MX1: variants seen among roughly 807,000 people sequenced by gnomAD.
The protein encoded by MX1 is interferon-induced GTP-binding protein Mx1.
A neutral mutation model predicts 66.4 loss-of-function variants in MX1; 66 were observed. The observed-to-expected ratio is 0.99, with a 90% CI of 0.82 to 1.22. MX1 has a LOEUF of 1.22. Ranked by LOEUF, MX1 falls within the 50% of genes most tolerant of loss-of-function variation. MX1 has a pLI of 0.00. For missense variants in MX1, 787 were observed against 834.3 expected (o/e 0.94, Z 0.70); for synonymous variants, 311 against 318.1 (o/e 0.98, Z 0.24).
In MX1 at chr21:41,445,590, T is replaced by C. The variant is rs377682153; in HGVS notation, c.1131+20T>C. 18 of 1,613,662 alleles carry C rather than the reference T, an allele frequency of 1.1e-5. No individual in the cohort carries two copies. The African/African-American group carries it at 1.9e-4, about 17-fold the overall frequency. On this transcript the variant is annotated intron_variant, in intron 12 of 16. Coordinates refer to ENST00000398598, the MANE Select transcript of MX1 (RefSeq NM_002462.5). ...ATAGATGTGAGTGTTGCCAGCTGCA[T>C]GGAGCTGGAGAAGCACATGTCATGG...
chr21:41,450,682 A>G (rs766609844), intron 14 of MX1, among the ~76,000 whole-genome samples: 2 of 152,170 alleles, frequency 1.3e-5, no homozygotes, highest in Non-Finnish European at 2.9e-5. Flanking sequence ...TTTCAATCAT[A>G]AAGATACTAT....
In MX1 at chr21:41,445,527, A is replaced by G; in HGVS notation, c.1088A>G (p.Asp363Gly). Residue 363 changes from aspartate (D) to glycine (G), a missense_variant, in exon 12 of 17, where the codon GAC (aspartate) becomes GGC (glycine). Transcript: ENST00000398598. Reference protein sequence around the residue: ...ITEELQKYGVDIPEDENEKMF... With the variant: ...ITEELQKYGVGIPEDENEKMF... ...GAGGAGCTACAAAAGTATGGTGTCG[A>G]CATACCGGAAGACGAAAATGAAAAA... The G allele has an allele frequency of 6.2e-7, 1 of 1,614,248 alleles. No homozygotes were observed. Among genetic ancestry groups the G allele is most frequent in the South Asian group, 1.1e-5 (1 of 91,088 alleles).
At position 41,454,098 on chromosome 21, in the gene MX1, T is replaced by TC. The variant is rs57309051; in HGVS notation, c.1758+1237dup. Reference sequence around the variant, plus strand: ...ATGGAGATTCTCTACAGGTGCAAATTCCCCCCCCACAAAACATGGCAGGGC... The same window carrying TC: ...ATGGAGATTCTCTACAGGTGCAAATTCCCCCCCCCACAAAACATGGCAGGGC... On this transcript the variant is annotated intron_variant, in intron 16 of 16. Coordinates refer to ENST00000398598, the MANE Select transcript of MX1 (RefSeq NM_002462.5). 3.3e-3 allele frequency among the ~76,000 whole-genome samples: 505 copies of TC among 151,450 alleles called. 2 individuals carry two copies. Among genetic ancestry groups the TC allele is most frequent in the African/African-American group, 9.1e-3 (377 of 41,292 alleles).
In MX1 at chr21:41,435,931, A is replaced by T. The variant is rs2090346877; in HGVS notation, c.200A>T (p.Asp67Val). 1 of 1,614,200 alleles carries T rather than the reference A, an allele frequency of 6.2e-7. No individual in the cohort carries two copies. The highest frequency in any genetic ancestry group is 1.1e-5 in the South Asian group (1 of 91,086). ...CTGCGGGCTCTAGGTGTGGAGCAGG[A>T]CCTGGCCCTGCCAGCCATCGCCGTC... ...DSLRALGVEQ[D>V]LALPAIAVIG... Residue 67 changes from aspartate (D) to valine (V), a missense_variant, in exon 6 of 17, where the codon GAC (aspartate) becomes GTC (valine). Coordinates refer to ENST00000398598, the MANE Select transcript of MX1 (RefSeq NM_002462.5).
rs375569357 is a variant in MX1 at position 41,437,117 on chromosome 21, C to T, written c.401C>T (p.Ser134Leu). 14 of 1,613,830 alleles carry T rather than the reference C, an allele frequency of 8.7e-6. No individual in the cohort carries two copies. The highest frequency in any genetic ancestry group is 1.6e-4 in the Middle Eastern group (1 of 6,082). ...TACCAGGACTACGAGATTGAGATTT[C>T]GGATGCTTCAGAGGTAGAAAAGGAA... is the stretch of plus-strand genomic sequence containing the variant. ...VSYQDYEIEI[S>L]DASEVEKEIN... The change falls in exon 7 of 17, where the codon TCG (serine) becomes TTG (leucine). Residue 134 changes from serine (S) to leucine (L), a missense_variant. Ser to Leu is a moderately radical substitution (Grantham distance 145). Coordinates refer to ENST00000398598, the MANE Select transcript of MX1 (RefSeq NM_002462.5).
intron 6 of MX1, among the ~76,000 whole-genome samples, chr21:41,436,805 C>T (rs2090375120): frequency 6.6e-6 from 1 of 152,214 alleles, no homozygotes; most frequent in Non-Finnish European, 1.5e-5. Flanking sequence ...TAAGCAAAAA[C>T]TCACCTGGGT....
Position 41,446,108 on chromosome 21 carries a change from T to G in MX1, c.1240T>G (p.Trp414Gly), listed in dbSNP as rs775625544. Residue 414 changes from tryptophan to glycine, a missense_variant, in exon 13 of 17, where the codon TGG becomes GGG. Transcript: ENST00000398598. ...CAGACTCCGACACGAGTTCCACAAATGGAGTACAATAATTGAAAACAATTT... is the reference window on the plus strand; with the variant it reads ...CAGACTCCGACACGAGTTCCACAAAGGGAGTACAATAATTGAAAACAATTT... ...FTRLRHEFHK[W>G]STIIENNFQE... 37 of 1,613,968 alleles carry G rather than the reference T, an allele frequency of 2.3e-5. No homozygotes were observed. Among genetic ancestry groups the G allele is most frequent in the Non-Finnish European group, 3.1e-5 (36 of 1,179,998 alleles).
chr21:41,443,521 C>A, intron 10 of MX1: 2 of 472,808 alleles, frequency 4.2e-6, no homozygotes, highest in Non-Finnish European at 3.8e-6. Context: ...TTGTGATGAC[C>A]AAGTCTATAG....
At chr21:41,452,228 A>T (rs530514272) in intron 15 of MX1, among the ~76,000 whole-genome samples, 4 of 152,174 alleles carry the variant, frequency 2.6e-5, no homozygotes, top group African/African-American at 9.7e-5. Flanking sequence ...GGAACATAAA[A>T]CATAATTTTC....
Position 41,441,160 on chromosome 21 carries a change from G to A in MX1, c.730+135G>A, listed in dbSNP as rs891593555. 145 of 1,226,596 alleles carry A rather than the reference G, an allele frequency of 1.2e-4. No homozygotes were observed. Among genetic ancestry groups the A allele is most frequent in the Middle Eastern group, 2.8e-4 (1 of 3,532 alleles). 76.0% of individuals were successfully genotyped at this position (1,226,596 alleles called of 1,614,324 possible). ...GTGCTCGGTGAGAATGGGGGAGCCC[G>A]CCTGTGCTCGGTGGTCTGCCAGTGG... On this transcript the variant is annotated intron_variant, in intron 9 of 16. Transcript: ENST00000398598. The surrounding 1 kb of genome is among the most constrained non-coding windows in gnomAD (Gnocchi z 4.0).
Position 41,448,930 on chromosome 21 carries a change from TTGTGTGTGTGTGTGTGTGTG to T in MX1, c.1274-177_1274-158del, listed in dbSNP as rs10528033. 1.0e-3 allele frequency among the ~76,000 whole-genome samples: 143 copies of T among 139,614 alleles called. 2 individuals are homozygous for T. Among genetic ancestry groups the T allele is most frequent in the African/African-American group, 3.1e-3 (120 of 38,280 alleles). The allele number at this position is 139,614 out of a possible 152,430, so 91.6% of individuals were successfully genotyped here. A position where few individuals can be genotyped will look rare whatever the true frequency, so the allele number is the denominator to read the frequency against. ...AGGAAAATTATCTTCAGATCTGGTT[TTGTGTGTGTGTGTGTGTGTG>T]TGTGTGTGTGTGTGTGTGTGTGTGT... On this transcript the variant is annotated intron_variant, in intron 13 of 16. Coordinates refer to ENST00000398598, the MANE Select transcript of MX1 (RefSeq NM_002462.5).
At chr21:41,446,607 G>A (rs1601520455) in intron 13 of MX1, among the ~76,000 whole-genome samples, 1 of 128,808 alleles carries the variant, frequency 7.8e-6, no homozygotes, top group Non-Finnish European at 1.8e-5. Flanking sequence ...CAAAAAGTGA[G>A]CATGTGCTAC....
chr21:41,439,891 ATGGGGGAGTGGAGGGG>A, intron 8 of MX1, 43 bp downstream of exon 8: 2 of 652,954 alleles, frequency 3.1e-6, no homozygotes, highest in Non-Finnish European at 5.4e-6. Context: ...TGGCGTGGGG[ATGGGGGAGTGGAGGGG>A]TGGGAGGAGA....
chr21:41,426,851 C>G (rs959280904), intron 1 of MX1: 3 of 152,332 alleles, frequency 2.0e-5, no homozygotes, highest in Admixed American at 2.0e-4. Context: ...TGTTCCCCCC[C>G]ACCGCCCCAG....
intron 10 of MX1, 103 bp downstream of exon 10, chr21:41,442,017 G>A (rs2090533249): frequency 9.7e-7 from 1 of 1,035,808 alleles, no homozygotes; most frequent in South Asian, 1.4e-5. Context: ...GTGTGTGTGT[G>A]TGTGTGTGCG....
chr21:41,431,253 C>A (rs1248091205), intron 4 of MX1, among the ~76,000 whole-genome samples: 1 of 152,208 alleles, frequency 6.6e-6, no homozygotes, highest in Non-Finnish European at 1.5e-5. Flanking sequence ...GAACTCCTGA[C>A]CTCAGGTGAT....
chr21:41,437,804 G>C (rs1398262099), intron 7 of MX1, among the ~76,000 whole-genome samples: 1 of 152,196 alleles, frequency 6.6e-6, no homozygotes, highest in Non-Finnish European at 1.5e-5. Context: ...CTGTTCCTTT[G>C]TACAAGGAAC....
At chr21:41,429,085 G>A (rs2090142043) in intron 3 of MX1, 1 of 152,312 alleles carries the variant, frequency 6.6e-6, no homozygotes, top group African/African-American at 2.4e-5. Flanking sequence ...CATTTTAGGA[G>A]CAATTTGGGA....
upstream of MX1, chr21:41,423,303 G>A (rs1222636777): frequency 1.3e-5 from 2 of 152,324 alleles, no homozygotes; most frequent in African/African-American, 4.8e-5. Context: ...CTCAGCTCCA[G>A]CCATAACAAA....
Sources: allele counts gnomAD v4.1 joint callset (sites outside exome capture counted in the v4.1 genomes callset), GRCh38; gene constraint gnomAD v4.1.1; non-coding constraint Gnocchi (gnomAD v3.1); transcripts MANE v1.5; gene names NCBI Gene and HGNC (gene_info 2026-07-23, HGNC 2026-07-21).